The following PYGO1 variants were observed in gnomAD, a reference collection of about 807,000 sequenced individuals.
PYGO1 encodes the protein pygopus family PHD finger 1, also known as pygopus homolog 1.
Under a neutral mutation model 29.5 loss-of-function variants are expected in PYGO1, and 6 were observed. The ratio of observed to expected loss-of-function variants is 0.20; its 90% CI spans 0.11 to 0.40. The LOEUF is 0.40. Among genes scored for constraint, PYGO1 ranks in the 10% least tolerant of loss-of-function variants. PYGO1 has a pLI of 1.00. For missense variants in PYGO1, 515 were observed against 514.9 expected (o/e 1.00, Z 0.00); for synonymous variants, 186 against 180.5 (o/e 1.03, Z -0.24).
rs2059058017 is a variant in PYGO1 at position 55,588,163 on chromosome 15, G to C, written c.-280C>G. 2 of 527,800 alleles carry C rather than the reference G, an allele frequency of 3.8e-6. No individual in the cohort carries two copies. The highest frequency in any genetic ancestry group is 4.8e-6 in the Non-Finnish European group (2 of 413,968). The allele number at this position is 527,800 out of a possible 1,614,324, so 32.7% of individuals were successfully genotyped here. ...TGGGGGCGGCCCCCCACCCGGGGCCGGCATGTGCTGAGGGCGAGTGCGCCG... is the reference window on the plus strand; with the variant it reads ...TGGGGGCGGCCCCCCACCCGGGGCCCGCATGTGCTGAGGGCGAGTGCGCCG... On this transcript the variant is annotated 5_prime_UTR_variant, in exon 1 of 3. Transcript: ENST00000563719.
intron 1 of PYGO1, among the ~76,000 whole-genome samples, chr15:55,554,505 C>T (rs2058895012): frequency 1.5e-5 from 2 of 134,390 alleles, no homozygotes; most frequent in African/African-American, 5.7e-5. Flanking sequence ...AAAGAAAGAA[C>T]TGGGCTGAGG....
At chr15:55,564,456 T>C (rs1229414087) in intron 1 of PYGO1, among the ~76,000 whole-genome samples, 1 of 152,048 alleles carries the variant, frequency 6.6e-6, no homozygotes, top group Non-Finnish European at 1.5e-5. Flanking sequence ...TTTGAGGCAA[T>C]GGAAAGTAAT....
At chr15:55,557,066 C>A (rs1302520026) in intron 1 of PYGO1, among the ~76,000 whole-genome samples, 2 of 151,352 alleles carry the variant, frequency 1.3e-5, no homozygotes, top group African/African-American at 2.4e-5. Context: ...AGAGGTACAA[C>A]TGAAACTGTT....
At chr15:55,553,569 C>G (rs755306070) in intron 1 of PYGO1, among the ~76,000 whole-genome samples, 2 of 152,012 alleles carry the variant, frequency 1.3e-5, no homozygotes, top group Non-Finnish European at 2.9e-5. Flanking sequence ...TTGCCACCAC[C>G]ACTAACTTTT....
At chr15:55,584,676 T>A (rs1303194199) in intron 1 of PYGO1, among the ~76,000 whole-genome samples, 2 of 152,164 alleles carry the variant, frequency 1.3e-5, no homozygotes, top group Non-Finnish European at 2.9e-5. Context: ...TGACATTTAC[T>A]ATGGGCAAGG....
chr15:55,553,750 T>C (rs2058890717), intron 1 of PYGO1, among the ~76,000 whole-genome samples: 1 of 152,138 alleles, frequency 6.6e-6, no homozygotes, highest in East Asian at 1.9e-4. Flanking sequence ...GGTCTCCAGA[T>C]ACCTCCTATA....
intron 1 of PYGO1, among the ~76,000 whole-genome samples, chr15:55,584,671 TTTACTATGG>T (rs1406782844): frequency 3.3e-5 from 5 of 152,162 alleles, no homozygotes; most frequent in Non-Finnish European, 1.5e-5. Flanking sequence ...TCATTTGACA[TTTACTATGG>T]GCAAGGCAAA....
Position 55,546,536 on chromosome 15 carries a change from A to G in PYGO1, c.747T>C (p.Thr249=). ...GTGGATGAGCAGAGGAATTTTGATT[A>G]GTGTTTTTGGTTGCTCCTTGAGTAA... The part of the protein sequence containing the change: ...QDFTQGATKN[T]NQNSSAHPPH... The change falls in exon 3 of 3, where the codon ACT becomes ACC. Residue 249 remains threonine, a synonymous_variant. Coordinates refer to ENST00000563719, the MANE Select transcript of PYGO1 (RefSeq NM_001367806.1). The G allele has an allele frequency of 1.2e-6, 2 of 1,614,016 alleles. No homozygotes were observed. Among genetic ancestry groups the G allele is most frequent in the South Asian group, 2.2e-5 (2 of 91,072 alleles).
chr15:55,564,695 T>C (rs911029978), intron 1 of PYGO1, among the ~76,000 whole-genome samples: 10 of 152,218 alleles, frequency 6.6e-5, no homozygotes, highest in South Asian at 2.1e-4. Flanking sequence ...TACTCTAAGA[T>C]AGTTTAAATG....
intron 1 of PYGO1, among the ~76,000 whole-genome samples, chr15:55,575,076 GGCTCAGATTTAACTAACTT>G (rs1209223152): frequency 6.6e-6 from 1 of 152,178 alleles, no homozygotes; most frequent in Non-Finnish European, 1.5e-5. Context: ...AGAAAACAGA[GGCTCAGATTTAACTAACTT>G]GCCCAAGGTC....
chr15:55,554,490 A>AAAAAAG (rs2058894835), intron 1 of PYGO1, among the ~76,000 whole-genome samples: 1 of 146,660 alleles, frequency 6.8e-6, no homozygotes, highest in African/African-American at 2.7e-5. Flanking sequence ...AAAAAAAAAA[A>AAAAAAG]AAAGAAAGAA....
Position 55,544,996 on chromosome 15 carries a change from T to C in PYGO1, c.*1027A>G, listed in dbSNP as rs2058843396. ...TGTTGTTTGCAAGTTAGATTTCACT[T>C]TGGCTCTTAATTGATCTTTGTTTAA... On this transcript the variant is annotated 3_prime_UTR_variant, in exon 3 of 3. Transcript: ENST00000563719. 6.6e-6 allele frequency: 1 copy of C among 152,202 alleles called. No individual in the cohort carries two copies. Among genetic ancestry groups the C allele is most frequent in the East Asian group, 1.9e-4 (1 of 5,202 alleles). The allele number at this position is 152,202 out of a possible 1,614,324, so 9.4% of individuals were successfully genotyped here. A position where few individuals can be genotyped will look rare whatever the true frequency, so the allele number is the denominator to read the frequency against.
chr15:55,571,896 G>C (rs1287038301), intron 1 of PYGO1, among the ~76,000 whole-genome samples: 5 of 151,126 alleles, frequency 3.3e-5, no homozygotes. Context: ...GATAATGTGA[G>C]GTAAAAAACA....
chr15:55,548,148 T>A lies in PYGO1; in HGVS notation c.135+762A>T, dbSNP rs561568462. Among the ~76,000 whole-genome samples, 34 of 152,132 alleles carry A rather than the reference T, an allele frequency of 2.2e-4. 1 individual carries two copies. Among genetic ancestry groups the A allele is most frequent in the Admixed American group, 7.2e-4 (11 of 15,282 alleles). The stretch of plus-strand genomic sequence containing the variant: ...AATTCTCATGCCTCAGCCTCCGCAA[T>A]AGCTGGGATTACAGGAGTGTGCCAC... On this transcript the variant is annotated intron_variant, in intron 2 of 2. Coordinates refer to ENST00000563719, the MANE Select transcript of PYGO1 (RefSeq NM_001367806.1).
chr15:55,552,771 C>T (rs2058885350), intron 1 of PYGO1, among the ~76,000 whole-genome samples: 1 of 152,126 alleles, frequency 6.6e-6, no homozygotes, highest in South Asian at 2.1e-4. Flanking sequence ...CACAGAGACC[C>T]AGGAGTTTTA....
chr15:55,588,481 C>A (rs1342679335), upstream of PYGO1, among the ~76,000 whole-genome samples: 3 of 147,406 alleles, frequency 2.0e-5, no homozygotes, highest in African/African-American at 7.3e-5. Context: ...GGGCCGCTGC[C>A]TCGTCCCGCG....
chr15:55,581,933 G>A (rs772706019), intron 1 of PYGO1, among the ~76,000 whole-genome samples: 19 of 152,232 alleles, frequency 1.2e-4, no homozygotes, highest in South Asian at 6.2e-4. Flanking sequence ...GAGGCCGGGC[G>A]CAGTGGCTCA....
chr15:55,549,073 A>G, intron 1 of PYGO1, 78 bp from the exon 2 acceptor site: 1 of 1,064,658 alleles, frequency 9.4e-7, no homozygotes, highest in Admixed American at 2.4e-5. Flanking sequence ...TATCTATTAT[A>G]TTTACCTGTT....
intron 1 of PYGO1, among the ~76,000 whole-genome samples, chr15:55,586,896 T>C (rs114167012): frequency 4.1e-4 from 63 of 152,372 alleles, no homozygotes; most frequent in African/African-American, 1.5e-3. Flanking sequence ...ACATTCTGTA[T>C]CTACTGTTTA....
Sources: allele counts gnomAD v4.1 joint callset (sites outside exome capture counted in the v4.1 genomes callset), GRCh38; gene constraint gnomAD v4.1.1; transcripts MANE v1.5; gene names NCBI Gene and HGNC (gene_info 2026-07-23, HGNC 2026-07-21).